FFAR2: variants seen among roughly 807,000 people sequenced by gnomAD.
FFAR2 encodes the protein G-protein coupled receptor 43.
For synonymous variants in FFAR2, 193 were observed against 189.9 expected (o/e 1.02, Z -0.13); for missense variants, 421 against 428.9 (o/e 0.98, Z 0.16).
In FFAR2 at chr19:35,450,348, G is replaced by A. The variant is rs759733184; in HGVS notation, c.634G>A (p.Val212Met). 3.1e-6 allele frequency: 5 copies of A among 1,614,030 alleles called. No individual in the cohort carries two copies. The highest frequency in any genetic ancestry group is 4.2e-6 in the Non-Finnish European group (5 of 1,180,026). The change falls in exon 2 of 2, where the codon GTG becomes ATG. Residue 212 changes from valine (V) to methionine (M), a missense_variant. Transcript: ENST00000599180. Reference protein sequence around the residue: ...FVWIMLSQPLVGAQRRRRAVG... With the variant: ...FVWIMLSQPLMGAQRRRRAVG... ...GTGGATCATGCTCTCCCAGCCCCTTGTGGGGGCCCAGAGGCGGCGCCGAGC... is the reference window on the plus strand; with the variant it reads ...GTGGATCATGCTCTCCCAGCCCCTTATGGGGGCCCAGAGGCGGCGCCGAGC...
chr19:35,450,855 T>C lies in FFAR2; in HGVS notation c.*148T>C. The C allele has an allele frequency of 2.7e-6, 2 of 746,256 alleles. No individual in the cohort carries two copies. The highest frequency in any genetic ancestry group is 4.3e-6 in the Non-Finnish European group (2 of 468,060). 46.2% of individuals were successfully genotyped at this position (746,256 alleles called of 1,614,324 possible). ...TTTGAAAAAAATGCCTTTCACCAGCTTGGTATCCCTTCCTGACTGAATTGT... is the reference window on the plus strand; with the variant it reads ...TTTGAAAAAAATGCCTTTCACCAGCCTGGTATCCCTTCCTGACTGAATTGT... On this transcript the variant is annotated 3_prime_UTR_variant, in exon 2 of 2. Coordinates refer to ENST00000599180, the MANE Select transcript of FFAR2 (RefSeq NM_001370087.1).
Position 35,450,894 on chromosome 19 carries a change from G to A in FFAR2, c.*187G>A, listed in dbSNP as rs1292563448. On this transcript the variant is annotated 3_prime_UTR_variant, in exon 2 of 2. Transcript: ENST00000599180. The stretch of plus-strand genomic sequence containing the variant: ...TGACTGAATTGTCCTACTCAAAGGA[G>A]CATAAGTCAGAGATGCACGAAGAAG... 4.8e-6 allele frequency: 3 copies of A among 621,612 alleles called. No homozygotes were observed. The highest frequency in any genetic ancestry group is 8.3e-6 in the Non-Finnish European group (3 of 362,252). 38.5% of individuals were successfully genotyped at this position (621,612 alleles called of 1,614,324 possible). A position where few individuals can be genotyped will look rare whatever the true frequency, so the allele number is the denominator to read the frequency against.
rs962405391 is a variant in FFAR2, at chr19:35,450,766, G to A, written c.*59G>A. The A allele has an allele frequency of 9.1e-6, 14 of 1,534,538 alleles. No homozygotes were observed. Among genetic ancestry groups the A allele is most frequent in the Non-Finnish European group, 1.1e-5 (13 of 1,133,576 alleles). ...TACACAGGAGCTGGGAAGCCTGGGA[G>A]AGGCGGAGCAGGAAGGCTCCCATCC... is the stretch of plus-strand genomic sequence containing the variant. On this transcript the variant is annotated 3_prime_UTR_variant, in exon 2 of 2. Coordinates refer to ENST00000599180, the MANE Select transcript of FFAR2 (RefSeq NM_001370087.1).
intron 1 of FFAR2, 70 bp from the exon 2 acceptor site, chr19:35,449,644 T>G (rs1025556959): frequency 6.7e-7 from 1 of 1,491,878 alleles, no homozygotes; most frequent in African/African-American, 1.4e-5. Flanking sequence ...GTCCGCATCC[T>G]GAAGGAGAGC....
At chr19:35,449,255 G>A (rs891712730) in intron 1 of FFAR2, among the ~76,000 whole-genome samples, 3 of 152,188 alleles carry the variant, frequency 2.0e-5, no homozygotes, top group African/African-American at 7.2e-5. Context: ...GCTGGCACTG[G>A]GTATCCGCGC....
At position 35,449,730 on chromosome 19, in the gene FFAR2, A is replaced by G; in HGVS notation, c.16A>G (p.Lys6Glu). Residue 6 changes from lysine to glutamate, a missense_variant, in exon 2 of 2, where the codon AAG becomes GAG. By Grantham distance (56) the Lys-to-Glu change is moderately conservative. Coordinates refer to ENST00000599180, the MANE Select transcript of FFAR2 (RefSeq NM_001370087.1). ...CCCCTCCAGGATGCTGCCGGACTGGAAGAGCTCCTTGATCCTCATGGCTTA... is the reference window on the plus strand; with the variant it reads ...CCCCTCCAGGATGCTGCCGGACTGGGAGAGCTCCTTGATCCTCATGGCTTA... MLPDW[K>E]SSLILMAYII... is the part of the protein sequence containing the mutation. 6.4e-7 allele frequency: 1 copy of G among 1,555,104 alleles called. No homozygotes were observed. Among genetic ancestry groups the G allele is most frequent in the South Asian group, 1.2e-5 (1 of 81,462 alleles).
chr19:35,448,519 G>A (rs2067360267), intron 1 of FFAR2, 140 bp downstream of exon 1: 1 of 152,514 alleles, frequency 6.6e-6, no homozygotes, highest in Admixed American at 6.5e-5. Context: ...AGTGTGAGGA[G>A]CAAGGAAACA....
rs779454579 is a variant in FFAR2 at position 35,450,219 on chromosome 19, A to G, written c.505A>G (p.Thr169Ala). ...TGAAATTACCTGCTACGAGAACTTC[A>G]CCGATAACCAGTTGGACGTGGTGCT... Reference protein sequence around the residue: ...GNEITCYENFTDNQLDVVLPV... With the variant: ...GNEITCYENFADNQLDVVLPV... The change falls in exon 2 of 2, where the codon ACC becomes GCC. Residue 169 changes from threonine to alanine, a missense_variant. Thr to Ala is a moderately conservative substitution (Grantham distance 58, BLOSUM62 0). Coordinates refer to ENST00000599180, the MANE Select transcript of FFAR2 (RefSeq NM_001370087.1). The G allele has an allele frequency of 2.0e-5, 33 of 1,614,018 alleles. No homozygotes were observed. Among genetic ancestry groups the G allele is most frequent in the Admixed American group, 3.3e-5 (2 of 60,006 alleles).
rs77990508 is a variant in FFAR2 at position 35,450,771 on chromosome 19, G to A, written c.*64G>A. On this transcript the variant is annotated 3_prime_UTR_variant, in exon 2 of 2. Transcript: ENST00000599180. Reference sequence around the variant, plus strand: ...AGGAGCTGGGAAGCCTGGGAGAGGCGGAGCAGGAAGGCTCCCATCCAGATT... The same window carrying A: ...AGGAGCTGGGAAGCCTGGGAGAGGCAGAGCAGGAAGGCTCCCATCCAGATT... The A allele has an allele frequency of 2.8e-3, 4,144 of 1,496,134 alleles. 93 individuals are homozygous for A. The African/African-American group carries it at 0.05, about 18-fold the overall frequency. 92.7% of individuals were successfully genotyped at this position (1,496,134 alleles called of 1,614,324 possible).
rs574879262 is a variant in FFAR2 at position 35,450,133 on chromosome 19, A to G, written c.419A>G (p.His140Arg). 1.9e-6 allele frequency: 3 copies of G among 1,614,156 alleles called. No individual in the cohort carries two copies. In the African/African-American group the frequency reaches 4.0e-5, roughly 22 times the overall value. The part of the protein sequence containing the change: ...ALVAWVMSFG[H>R]CTIVIIVQYL... Reference sequence around the variant, plus strand: ...GTGGCCTGGGTTATGTCCTTTGGTCACTGCACCATCGTGATCATCGTTCAA... The same window carrying G: ...GTGGCCTGGGTTATGTCCTTTGGTCGCTGCACCATCGTGATCATCGTTCAA... Residue 140 changes from histidine to arginine, a missense_variant, in exon 2 of 2, where the codon CAC becomes CGC. His to Arg is a conservative substitution (Grantham distance 29). Transcript: ENST00000599180.
chr19:35,449,961 G>A lies in FFAR2; in HGVS notation c.247G>A (p.Ala83Thr), dbSNP rs747031597. The A allele has an allele frequency of 1.1e-5, 18 of 1,613,826 alleles. No homozygotes were observed. The highest frequency in any genetic ancestry group is 7.7e-5 in the South Asian group (7 of 91,086). ...FRWYLPKVVC[A>T]LTSFGFYSSI... is the part of the protein sequence containing the mutation. ...CTGGTACCTGCCCAAGGTCGTCTGC[G>A]CCCTCACGAGTTTTGGCTTCTACAG... The change falls in exon 2 of 2, where the codon GCC becomes ACC. Residue 83 changes from alanine to threonine, a missense_variant. Ala to Thr is a moderately conservative substitution (Grantham distance 58, BLOSUM62 0). Coordinates refer to ENST00000599180, the MANE Select transcript of FFAR2 (RefSeq NM_001370087.1).
At position 35,450,783 on chromosome 19, in the gene FFAR2, C is replaced by A; in HGVS notation, c.*76C>A. On this transcript the variant is annotated 3_prime_UTR_variant, in exon 2 of 2. Transcript: ENST00000599180. ...GCCTGGGAGAGGCGGAGCAGGAAGG[C>A]TCCCATCCAGATTCAGAAATCCTTA... 1 of 1,452,742 alleles carries A rather than the reference C, an allele frequency of 6.9e-7. No individual in the cohort carries two copies. The highest frequency in any genetic ancestry group is 1.4e-5 in the South Asian group (1 of 73,792). The allele number at this position is 1,452,742 out of a possible 1,614,324, so 90.0% of individuals were successfully genotyped here. A position where few individuals can be genotyped will look rare whatever the true frequency, so the allele number is the denominator to read the frequency against.
chr19:35,449,822 C>T lies in FFAR2; in HGVS notation c.108C>T (p.Ile36=). The change falls in exon 2 of 2, where the codon ATC becomes ATT. Residue 36 remains isoleucine (I), a synonymous_variant. Coordinates refer to ENST00000599180, the MANE Select transcript of FFAR2 (RefSeq NM_001370087.1). ...CCCTGCGGGCCTTTGTGGGGCGGAT[C>T]CGCCAGCCCCAGCCTGCACCTGTGC... The part of the protein sequence containing the change: ...LLALRAFVGR[I]RQPQPAPVHI... The T allele has an allele frequency of 6.2e-7, 1 of 1,613,766 alleles. No homozygotes were observed.
At chr19:35,449,585 G>T in intron 1 of FFAR2, 129 bp from the exon 2 acceptor site, 1 of 942,228 alleles carries the variant, frequency 1.1e-6, no homozygotes, top group Middle Eastern at 3.2e-4. Context: ...GCAAGCCGTG[G>T]TGGCATCAGA....
intron 1 of FFAR2, 30 bp downstream of exon 1, chr19:35,448,409 TG>T (rs1381302337): frequency 1.3e-5 from 2 of 152,234 alleles, no homozygotes; most frequent in South Asian, 4.1e-4. Context: ...GCTTGTGCTC[TG>T]GGAAGAGAGG....
rs373797261 is a variant in FFAR2, at chr19:35,449,927, G to A, written c.213G>A (p.Ser71=). 2.1e-5 allele frequency: 34 copies of A among 1,613,260 alleles called. No homozygotes were observed. Among genetic ancestry groups the A allele is most frequent in the East Asian group, 2.0e-4 (9 of 44,886 alleles). ...CCTTCAAGATCATCGAGGCTGCGTC[G>A]AACTTCCGCTGGTACCTGCCCAAGG... ...LLPFKIIEAA[S]NFRWYLPKVV... The change falls in exon 2 of 2, where the codon TCG becomes TCA. Residue 71 remains serine, a synonymous_variant. Coordinates refer to ENST00000599180, the MANE Select transcript of FFAR2 (RefSeq NM_001370087.1).
In FFAR2 at chr19:35,450,374, C is replaced by G; in HGVS notation, c.660C>G (p.Ala220=). 6.2e-7 allele frequency: 1 copy of G among 1,614,214 alleles called. No individual in the cohort carries two copies. Among genetic ancestry groups the G allele is most frequent in the Non-Finnish European group, 8.5e-7 (1 of 1,180,050 alleles). The change falls in exon 2 of 2, where the codon GCC becomes GCG. Residue 220 remains alanine, a synonymous_variant. Transcript: ENST00000599180. ...TGGGGGCCCAGAGGCGGCGCCGAGC[C>G]GTGGGGCTGGCTGTGGTGACGCTGC... ...PLVGAQRRRR[A]VGLAVVTLLN...
In FFAR2 at chr19:35,450,169, C is replaced by A; in HGVS notation, c.455C>A (p.Thr152Lys). ...GTGATCATCGTTCAATACTTGAACA[C>A]GACTGAGCAGGTCAGAAGTGGCAAT... ...TIVIIVQYLN[T>K]TEQVRSGNEI... The change falls in exon 2 of 2, where the codon ACG becomes AAG. Residue 152 changes from threonine to lysine, a missense_variant. Coordinates refer to ENST00000599180, the MANE Select transcript of FFAR2 (RefSeq NM_001370087.1). The A allele has an allele frequency of 6.2e-7, 1 of 1,614,148 alleles. No homozygotes were observed. The highest frequency in any genetic ancestry group is 1.7e-5 in the Admixed American group (1 of 60,024).
rs775921022 is a variant in FFAR2, at chr19:35,449,737, C to A, written c.23C>A (p.Ser8Tyr). 1 of 1,568,864 alleles carries A rather than the reference C, an allele frequency of 6.4e-7. No individual in the cohort carries two copies. Among genetic ancestry groups the A allele is most frequent in the Non-Finnish European group, 8.6e-7 (1 of 1,158,100 alleles). ...AGGATGCTGCCGGACTGGAAGAGCT[C>A]CTTGATCCTCATGGCTTACATCATC... MLPDWKS[S>Y]LILMAYIIIF... Residue 8 changes from serine (S) to tyrosine (Y), a missense_variant, in exon 2 of 2, where the codon TCC becomes TAC. Physicochemically the swap from Ser to Tyr is moderately radical, Grantham distance 144 (BLOSUM62 -2). Coordinates refer to ENST00000599180, the MANE Select transcript of FFAR2 (RefSeq NM_001370087.1).
Sources: allele counts gnomAD v4.1 joint callset (sites outside exome capture counted in the v4.1 genomes callset), GRCh38; gene constraint gnomAD v4.1.1; transcripts MANE v1.5; gene names NCBI Gene and HGNC (gene_info 2026-07-23, HGNC 2026-07-21).